JAK2: variants seen among roughly 807,000 people sequenced by gnomAD.
JAK2 encodes the protein tyrosine-protein kinase JAK2.
A neutral mutation model predicts 139.3 loss-of-function variants in JAK2; 86 were observed. The observed-to-expected ratio is 0.62, with a 90% CI of 0.52 to 0.74. The LOEUF is 0.74. Ranked by LOEUF, JAK2 falls within the 30% of genes least tolerant of loss-of-function variation. JAK2 has a pLI of 0.00. For missense variants in JAK2, 1,421 were observed against 1,360.3 expected (o/e 1.04, Z -0.70); for synonymous variants, 490 against 437.7 (o/e 1.12, Z -1.49).
chr9:5,062,548 AGCAATAAAGG>A (rs1194664096), intron 8 of JAK2, among the ~76,000 whole-genome samples: 1 of 145,200 alleles, frequency 6.9e-6, no homozygotes, highest in Non-Finnish European at 1.5e-5. Flanking sequence ...ATCTGCAAGG[AGCAATAAAGG>A]GAAGTGCAGT....
chr9:5,099,175 C>T (rs929079092), intron 22 of JAK2: 6 of 152,148 alleles, frequency 3.9e-5, no homozygotes, highest in African/African-American at 1.4e-4. Context: ...AGATGCAATC[C>T]CCAGATGCTT....
intron 2 of JAK2, among the ~76,000 whole-genome samples, chr9:5,007,816 C>T (rs1217491895): frequency 6.6e-6 from 1 of 151,842 alleles, no homozygotes; most frequent in Non-Finnish European, 1.5e-5. Flanking sequence ...CAATCTCTGC[C>T]TCCCAGGTTC....
intron 22 of JAK2, among the ~76,000 whole-genome samples, chr9:5,096,302 C>G (rs1277575433): frequency 6.6e-6 from 1 of 152,284 alleles, no homozygotes; most frequent in East Asian, 1.9e-4. Flanking sequence ...CTTCAAAACC[C>G]TTAGTAAATG....
chr9:5,041,491 A>C (rs1816508909), intron 4 of JAK2: 4 of 589,042 alleles, frequency 6.8e-6, no homozygotes, highest in Non-Finnish European at 9.9e-6. Context: ...TGAGCGGTAC[A>C]GAAGATCGGG....
At chr9:5,049,464 C>T (rs888512914) in intron 5 of JAK2, among the ~76,000 whole-genome samples, 3 of 152,132 alleles carry the variant, frequency 2.0e-5, no homozygotes, top group East Asian at 3.8e-4. Flanking sequence ...GTCCATCATA[C>T]ATTTCTTTAT....
chr9:5,117,733 T>C (rs957573852), intron 22 of JAK2, among the ~76,000 whole-genome samples: 3 of 152,042 alleles, frequency 2.0e-5, no homozygotes, highest in East Asian at 1.9e-4. Context: ...CTGGTAGATA[T>C]AACTCACAGA....
intron 2 of JAK2, among the ~76,000 whole-genome samples, chr9:5,009,162 G>A (rs1389716763): frequency 6.6e-6 from 1 of 152,170 alleles, no homozygotes; most frequent in African/African-American, 2.4e-5. Flanking sequence ...AAAATAACTG[G>A]AATGGATGAG....
intron 2 of JAK2, among the ~76,000 whole-genome samples, chr9:5,008,183 AGTC>A (rs1821447289): frequency 6.6e-6 from 1 of 152,222 alleles, no homozygotes; most frequent in African/African-American, 2.4e-5. Context: ...CTATACATAA[AGTC>A]AATATTATGG....
intron 18 of JAK2, among the ~76,000 whole-genome samples, chr9:5,081,164 G>T (rs1333720011): frequency 6.6e-6 from 1 of 151,658 alleles, no homozygotes; most frequent in Non-Finnish European, 1.5e-5. Flanking sequence ...CAAAGTGCTG[G>T]GATTACAGGC....
At chr9:5,104,646 G>A (rs1382450196) in intron 22 of JAK2, among the ~76,000 whole-genome samples, 1 of 152,186 alleles carries the variant, frequency 6.6e-6, no homozygotes. Flanking sequence ...GAACGTCGAT[G>A]TGAAAATCCT....
chr9:5,116,257 A>G (rs558159958), intron 22 of JAK2, among the ~76,000 whole-genome samples: 18 of 152,290 alleles, frequency 1.2e-4, no homozygotes, highest in Non-Finnish European at 2.5e-4. Flanking sequence ...TTAAACCCAA[A>G]AAGTCTGATC....
intron 22 of JAK2, among the ~76,000 whole-genome samples, chr9:5,118,065 C>G (rs767805346): frequency 4.7e-4 from 71 of 152,094 alleles, no homozygotes; most frequent in Non-Finnish European, 7.8e-4. Context: ...TATGTCAATC[C>G]TTTAAATGTG....
chr9:5,019,110 G>A (rs1485972231), intron 2 of JAK2, among the ~76,000 whole-genome samples: 1 of 152,008 alleles, frequency 6.6e-6, no homozygotes, highest in Admixed American at 6.5e-5. Flanking sequence ...TGATATACTT[G>A]GGTAGTTTTC....
At chr9:4,989,916 T>C (rs2129702455) in intron 2 of JAK2, among the ~76,000 whole-genome samples, 1 of 152,352 alleles carries the variant, frequency 6.6e-6, no homozygotes, top group South Asian at 2.1e-4. Flanking sequence ...CTTTGACCTG[T>C]AGATATGGAG....
intron 22 of JAK2, among the ~76,000 whole-genome samples, chr9:5,115,207 C>T (rs950277408): frequency 1.3e-5 from 2 of 152,028 alleles, no homozygotes; most frequent in South Asian, 4.1e-4. Flanking sequence ...AGAACTTAAA[C>T]AAGTTCACAA....
chr9:5,007,091 TTTTC>T (rs1425245741), intron 2 of JAK2, among the ~76,000 whole-genome samples: 1 of 152,128 alleles, frequency 6.6e-6, no homozygotes, highest in Non-Finnish European at 1.5e-5. Flanking sequence ...TTTACTTTGC[TTTTC>T]TTTATTTTAT....
intron 2 of JAK2, among the ~76,000 whole-genome samples, chr9:4,997,512 C>T (rs1820646462): frequency 6.6e-6 from 1 of 152,114 alleles, no homozygotes; most frequent in East Asian, 1.9e-4. Context: ...CAGGACAGCA[C>T]CAAGGGGGAT....
chr9:5,112,534 TG>T, intron 22 of JAK2: 1 of 584,004 alleles, frequency 1.7e-6, no homozygotes. Context: ...GAAGGCCGAG[TG>T]GGAGAAGCAG....
chr9:4,997,661 C>T (rs895479301), intron 2 of JAK2, among the ~76,000 whole-genome samples: 3 of 152,106 alleles, frequency 2.0e-5, no homozygotes, highest in Admixed American at 1.3e-4. Context: ...CCTTGCTGTA[C>T]CCCTCAGCCT....
Sources: allele counts gnomAD v4.1 joint callset (sites outside exome capture counted in the v4.1 genomes callset), GRCh38; gene constraint gnomAD v4.1.1; transcripts MANE v1.5; gene names NCBI Gene and HGNC (gene_info 2026-07-23, HGNC 2026-07-21).